UGT1A9: variants seen among roughly 807,000 people sequenced by gnomAD.
UGT1A9 encodes UDP glucuronosyltransferase family 1 member A9.
A neutral mutation model predicts 45.0 loss-of-function variants in UGT1A9; 35 were observed. That is an observed-to-expected ratio of 0.78 (90% CI 0.59 to 1.03). The LOEUF (loss-of-function observed/expected upper bound fraction) is 1.03. Among genes scored for constraint, UGT1A9 ranks in the 50% least tolerant of loss-of-function variants. UGT1A9 has a pLI of 0.00. For synonymous variants in UGT1A9, 278 were observed against 250.6 expected, an observed-to-expected ratio of 1.11 and a Z score of -1.03; for missense variants, 687 against 666.6, an observed-to-expected ratio of 1.03 and a Z score of -0.34.
chr2:233,747,343 T>A (rs1575682738), intron 1 of UGT1A9: 1 of 1,603,348 alleles, frequency 6.2e-7, no homozygotes, highest in East Asian at 2.2e-5. Flanking sequence ...CTGGCTCGCA[T>A]GCGGGAGGCC....
In UGT1A9 at chr2:233,672,788, TG is replaced by T. The variant is rs767136813; in HGVS notation, c.855+1del. The T allele has an allele frequency of 3.2e-5, 52 of 1,613,032 alleles. No homozygotes were observed. The highest frequency in any genetic ancestry group is 3.1e-5 in the Non-Finnish European group (36 of 1,179,270). On this transcript the variant is annotated frameshift_variant and splice_region_variant, in exon 1 of 5. Coordinates refer to ENST00000354728, the MANE Select transcript of UGT1A9 (RefSeq NM_021027.3). LOFTEE classifies it high-confidence loss of function. ...INCHQGKPLP[M>X]EFEAYINASG... Reference sequence around the variant, plus strand: ...TGCCATCAGGGAAAGCCGTTGCCTATGGTAAGTTATCTCTCCTTTAGCACCT... The same window carrying T: ...TGCCATCAGGGAAAGCCGTTGCCTATGTAAGTTATCTCTCCTTTAGCACCT...
At position 233,769,640 on chromosome 2, in the gene UGT1A9, T is replaced by G; in HGVS notation, c.1295+1201T>G. ...TGAGCAAGGGACAACAGGGGAGGACTGATGACTGACTTCCCACCTTTGAGG... is the reference window on the plus strand; with the variant it reads ...TGAGCAAGGGACAACAGGGGAGGACGGATGACTGACTTCCCACCTTTGAGG... On this transcript the variant is annotated intron_variant, in intron 4 of 4. Coordinates refer to ENST00000354728, the MANE Select transcript of UGT1A9 (RefSeq NM_021027.3). This position sits in a 1 kb window ranked among gnomAD's most constrained non-coding sequence, Gnocchi z 4.4. The G allele has an allele frequency of 6.2e-7, 1 of 1,609,904 alleles. No individual in the cohort carries two copies. Among genetic ancestry groups the G allele is most frequent in the Non-Finnish European group, 8.5e-7 (1 of 1,178,488 alleles).
chr2:233,760,927 C>T (rs1225128510), intron 1 of UGT1A9: 3 of 1,614,216 alleles, frequency 1.9e-6, no homozygotes, highest in Non-Finnish European at 2.5e-6. Flanking sequence ...GAAGAACATG[C>T]TCATTGCCTT....
intron 2 of UGT1A9, 69 bp from the exon 3 acceptor site, chr2:233,767,780 G>A (rs1699481282): frequency 1.9e-6 from 3 of 1,613,138 alleles, no homozygotes; most frequent in Non-Finnish European, 2.5e-6. Flanking sequence ...TTTCTAGTTA[G>A]TATAGCAGAT....
At chr2:233,686,147 A>C (rs1316143320) in intron 1 of UGT1A9, among the ~76,000 whole-genome samples, 1 of 152,190 alleles carries the variant, frequency 6.6e-6, no homozygotes, top group Non-Finnish European at 1.5e-5. Flanking sequence ...AATTAACTTG[A>C]AATGGATCAA....
intron 1 of UGT1A9, chr2:233,692,997 T>C: frequency 6.2e-7 from 1 of 1,614,038 alleles, no homozygotes; most frequent in Non-Finnish European, 8.5e-7. Flanking sequence ...ACTTTAACTC[T>C]TTCCAGGATG....
chr2:233,727,644 C>G lies in UGT1A9; in HGVS notation c.856-39390C>G, dbSNP rs139554548. On this transcript the variant is annotated intron_variant, in intron 1 of 4. Coordinates refer to ENST00000354728, the MANE Select transcript of UGT1A9 (RefSeq NM_021027.3). ...AGAGGTTGCACCCACAGCTGAGAAT[C>G]CCTTTCTAGTGCTCTATGTCCTTAC... Among the ~76,000 whole-genome samples the G allele has an allele frequency of 3.3e-5, 5 of 152,272 alleles. No individual in the cohort carries two copies. In the East Asian group the frequency reaches 9.7e-4, roughly 29 times the overall value.
At chr2:233,703,194 A>G (rs2125592149) in intron 1 of UGT1A9, among the ~76,000 whole-genome samples, 1 of 152,238 alleles carries the variant, frequency 6.6e-6, no homozygotes, top group South Asian at 2.1e-4. Context: ...CTTTCTAGGA[A>G]TTTGTCAATT....
intron 1 of UGT1A9, among the ~76,000 whole-genome samples, chr2:233,699,947 A>G (rs1002246261): frequency 6.6e-6 from 1 of 152,188 alleles, no homozygotes; most frequent in African/African-American, 2.4e-5. Flanking sequence ...AAGTTGTACA[A>G]TGTGTGAAAA....
intron 1 of UGT1A9, among the ~76,000 whole-genome samples, chr2:233,690,261 AT>A (rs1364887580): frequency 1.3e-5 from 2 of 152,134 alleles, no homozygotes; most frequent in Admixed American, 6.6e-5. Context: ...AGTCTCAAAC[AT>A]TTTGCAGGTC....
At chr2:233,696,118 A>G (rs919527983) in intron 1 of UGT1A9, among the ~76,000 whole-genome samples, 1 of 152,248 alleles carries the variant, frequency 6.6e-6, no homozygotes, top group African/African-American at 2.4e-5. Context: ...AAAAAGAACT[A>G]GAACTGCCCC....
At chr2:233,758,809 A>G (rs563319079) in intron 1 of UGT1A9, among the ~76,000 whole-genome samples, 28 of 152,366 alleles carry the variant, frequency 1.8e-4, no homozygotes, top group Non-Finnish European at 3.7e-4. Flanking sequence ...TGTATAGTAC[A>G]GCAGTATATC....
rs34903743 is a variant in UGT1A9 at position 233,767,311 on chromosome 2, T to G, written c.987+146T>G. 5,888 of 1,514,258 alleles carry G rather than the reference T, an allele frequency of 3.9e-3. 20 individuals carry two copies. Among genetic ancestry groups the G allele is most frequent in the Admixed American group, 4.9e-3 (211 of 43,394 alleles). The allele number at this position is 1,514,258 out of a possible 1,614,324, so 93.8% of individuals were successfully genotyped here. A position where few individuals can be genotyped will look rare whatever the true frequency, so the allele number is the denominator to read the frequency against. On this transcript the variant is annotated intron_variant, in intron 2 of 4. Coordinates refer to ENST00000354728, the MANE Select transcript of UGT1A9 (RefSeq NM_021027.3). Reference sequence around the variant, plus strand: ...CCCAACTATTAATCCAAAGGTTTTTTTTGTTGTTGTGGTTGTTGTCATTGT... The same window carrying G: ...CCCAACTATTAATCCAAAGGTTTTTGTTGTTGTTGTGGTTGTTGTCATTGT...
At chr2:233,694,747 G>A (rs1243865745) in intron 1 of UGT1A9, among the ~76,000 whole-genome samples, 5 of 152,170 alleles carry the variant, frequency 3.3e-5, no homozygotes, top group Non-Finnish European at 7.4e-5. Flanking sequence ...ACAGTTGGCA[G>A]TAGCCACTGT....
chr2:233,717,899 T>G, intron 1 of UGT1A9: 1 of 454,812 alleles, frequency 2.2e-6, no homozygotes, highest in Non-Finnish European at 4.4e-6. Flanking sequence ...ATCTTCAGGA[T>G]GAAATAAAGG....
intron 1 of UGT1A9, among the ~76,000 whole-genome samples, chr2:233,697,004 C>T (rs761877638): frequency 1.3e-5 from 2 of 151,910 alleles, no homozygotes; most frequent in Non-Finnish European, 2.9e-5. Flanking sequence ...ATTTTTGCAT[C>T]TATGTTCGTC....
chr2:233,744,006 T>G (rs1476984067), intron 1 of UGT1A9: 1 of 1,159,948 alleles, frequency 8.6e-7, no homozygotes, highest in Non-Finnish European at 1.1e-6. Context: ...CTCGGAGACC[T>G]GGGCCGCCTG....
At chr2:233,771,047 T>C (rs1700228624) in intron 4 of UGT1A9, 1 of 152,132 alleles carries the variant, frequency 6.6e-6, no homozygotes, top group South Asian at 2.1e-4. Flanking sequence ...TGCCACACAC[T>C]TTTTAATGAC....
At chr2:233,710,053 C>T (rs1449655708) in intron 1 of UGT1A9, among the ~76,000 whole-genome samples, 1 of 152,168 alleles carries the variant, frequency 6.6e-6, no homozygotes, top group Non-Finnish European at 1.5e-5. Context: ...CTCTTTGGCT[C>T]GGCATAATGT....
Sources: allele counts gnomAD v4.1 joint callset (sites outside exome capture counted in the v4.1 genomes callset), GRCh38; gene constraint gnomAD v4.1.1; non-coding constraint Gnocchi (gnomAD v3.1); transcripts MANE v1.5; gene names NCBI Gene and HGNC (gene_info 2026-07-23, HGNC 2026-07-21).